PSMA6: variants seen among roughly 807,000 people sequenced by gnomAD.
The protein encoded by PSMA6 is proteasome subunit alpha type-6.
For synonymous variants in PSMA6, 88 were observed against 97.7 expected, an observed-to-expected ratio of 0.90 and a Z score of 0.59; for missense variants, 170 against 294.8, an observed-to-expected ratio of 0.58 and a Z score of 3.10.
chr14:35,298,457 T>C (rs1044862469), intron 1 of PSMA6, among the ~76,000 whole-genome samples: 2 of 151,450 alleles, frequency 1.3e-5, no homozygotes, highest in Non-Finnish European at 1.5e-5. Flanking sequence ...ACTGCTGCAC[T>C]CTAGCCTGGG....
intron 6 of PSMA6, 133 bp from the exon 7 acceptor site, chr14:35,317,116 G>A: frequency 4.5e-6 from 3 of 665,364 alleles, no homozygotes; most frequent in Non-Finnish European, 8.0e-6. Flanking sequence ...ATTTTTTAAA[G>A]ATTGGTTTAT....
At chr14:35,312,399 C>CG (rs1393030215) in intron 4 of PSMA6, among the ~76,000 whole-genome samples, 2 of 147,034 alleles carry the variant, frequency 1.4e-5, no homozygotes, top group East Asian at 4.0e-4. Context: ...CCCAGCTACT[C>CG]GGGAGGCTGA....
At chr14:35,279,794 A>G (rs2051345167) in intron 1 of PSMA6, among the ~76,000 whole-genome samples, 1 of 152,244 alleles carries the variant, frequency 6.6e-6, no homozygotes, top group Non-Finnish European at 1.5e-5. Context: ...TGAGGAAATC[A>G]GTATTGAATA....
intron 6 of PSMA6, 35 bp downstream of exon 6, chr14:35,314,490 A>T: frequency 6.3e-7 from 1 of 1,593,924 alleles, no homozygotes; most frequent in Non-Finnish European, 8.6e-7. Context: ...CAGACTAGAA[A>T]GGTGGAGGCG....
intron 1 of PSMA6, among the ~76,000 whole-genome samples, chr14:35,303,481 T>C (rs545946425): frequency 1.2e-4 from 18 of 152,212 alleles, no homozygotes; most frequent in African/African-American, 4.3e-4. Context: ...CAGCCTTTAC[T>C]GCTCTCAGAT....
chr14:35,314,147 AATTAATGGACCCCTTT>A (rs1284694335), intron 5 of PSMA6, 198 bp from the exon 6 acceptor site: 1 of 316,694 alleles, frequency 3.2e-6, no homozygotes. Context: ...ATCCTATTTT[AATTAATGGACCCCTTT>A]ATTATTTGAC....
intron 1 of PSMA6, 40 bp downstream of exon 1, chr14:35,292,592 CCT>C: frequency 6.2e-7 from 1 of 1,608,112 alleles, no homozygotes; most frequent in Non-Finnish European, 8.5e-7. Flanking sequence ...CCTGAATTGC[CCT>C]GTCATGGTAC....
chr14:35,286,451 TCA>T (rs1200318084), intron 1 of PSMA6, among the ~76,000 whole-genome samples: 2 of 152,230 alleles, frequency 1.3e-5, no homozygotes, highest in African/African-American at 4.8e-5. Flanking sequence ...ATGAGAATTC[TCA>T]GTGTTTTTCA....
upstream of PSMA6, among the ~76,000 whole-genome samples, chr14:35,291,590 G>A (rs577979266): frequency 8.5e-5 from 13 of 152,072 alleles, no homozygotes; most frequent in South Asian, 8.3e-4. Flanking sequence ...CTGGGAGGCC[G>A]AGGAAGGTGG....
chr14:35,290,859 C>T (rs368842478), upstream of PSMA6, among the ~76,000 whole-genome samples: 17 of 152,200 alleles, frequency 1.1e-4, no homozygotes, highest in African/African-American at 4.1e-4. Flanking sequence ...GGAGCTACCT[C>T]GCCAGCTTGG....
At chr14:35,283,636 G>T (rs575755997) in intron 1 of PSMA6, among the ~76,000 whole-genome samples, 7 of 150,092 alleles carry the variant, frequency 4.7e-5, no homozygotes, top group Admixed American at 6.7e-5. Flanking sequence ...GCTCACTGCA[G>T]CCTCGACCTC....
chr14:35,314,114 C>G (rs1222011435), intron 5 of PSMA6: 1 of 229,644 alleles, frequency 4.4e-6, no homozygotes, highest in Non-Finnish European at 8.4e-6. Flanking sequence ...GTCATGAAGC[C>G]AATAAACCTT....
intron 1 of PSMA6, 27 bp downstream of exon 1, chr14:35,292,579 C>A (rs745655490): frequency 1.9e-5 from 31 of 1,610,338 alleles, no homozygotes; most frequent in Non-Finnish European, 2.6e-5. Context: ...CGCCTGTGGG[C>A]CACCTGAATT....
intron 1 of PSMA6, among the ~76,000 whole-genome samples, chr14:35,296,242 A>C (rs1364759243): frequency 1.3e-5 from 2 of 152,198 alleles, no homozygotes; most frequent in African/African-American, 4.8e-5. Flanking sequence ...TAGGGCTTTA[A>C]GGATTTAATT....
chr14:35,288,429 C>A (rs191478091), upstream of PSMA6, among the ~76,000 whole-genome samples: 1 of 152,124 alleles, frequency 6.6e-6, no homozygotes, highest in African/African-American at 2.4e-5. Flanking sequence ...ACCCAGGAGA[C>A]GGAAGTTGCA....
At chr14:35,297,402 A>C (rs1283401627) in intron 1 of PSMA6, among the ~76,000 whole-genome samples, 1 of 151,804 alleles carries the variant, frequency 6.6e-6, no homozygotes, top group Non-Finnish European at 1.5e-5. Context: ...TTTTTAGTAG[A>C]GACGGGGTTT....
At chr14:35,304,629 C>T (rs2051786768) in intron 1 of PSMA6, among the ~76,000 whole-genome samples, 1 of 151,580 alleles carries the variant, frequency 6.6e-6, no homozygotes, top group African/African-American at 2.4e-5. Context: ...ACTCGGGAGG[C>T]TCAGGCAGAA....
intron 1 of PSMA6, among the ~76,000 whole-genome samples, chr14:35,279,131 T>A (rs531232695): frequency 1.3e-5 from 2 of 152,314 alleles, no homozygotes; most frequent in South Asian, 4.1e-4. Context: ...CACTGCAACC[T>A]CCGCCTCCCT....
chr14:35,307,983 C>T lies in PSMA6; in HGVS notation c.77-11C>T, dbSNP rs778376009. 3.1e-6 allele frequency: 5 copies of T among 1,612,410 alleles called. No homozygotes were observed. In the Admixed American group the frequency reaches 8.4e-5, roughly 27 times the overall value. The stretch of plus-strand genomic sequence containing the variant: ...TTATTCCAACTTAAAAAAAACTGTT[C>T]TGTTTTCCAGAATATGCTTTTAAGG... On this transcript the variant is annotated splice_polypyrimidine_tract_variant and intron_variant, in intron 1 of 6. Transcript: ENST00000261479.
Sources: allele counts gnomAD v4.1 joint callset (sites outside exome capture counted in the v4.1 genomes callset), GRCh38; gene constraint gnomAD v4.1.1; transcripts MANE v1.5; gene names NCBI Gene and HGNC (gene_info 2026-07-23, HGNC 2026-07-21).